The following SLC35F3 variants were observed in gnomAD, a reference collection of about 807,000 sequenced individuals.
SLC35F3 encodes the protein putative thiamine transporter SLC35F3.
Under a neutral mutation model 49.9 loss-of-function variants are expected in SLC35F3, and 25 were observed. That is an observed-to-expected ratio of 0.50 (90% CI 0.37 to 0.70). The LOEUF is 0.70. SLC35F3 is among the 30% of genes least tolerant of loss of function. SLC35F3 has a pLI of 0.00. For synonymous variants in SLC35F3, 275 were observed against 265.4 expected (o/e 1.04, Z -0.35); for missense variants, 525 against 639.8 (o/e 0.82, Z 1.94).
chr1:233,938,376 C>T (rs1662367399), intron 2 of SLC35F3, among the ~76,000 whole-genome samples: 1 of 151,978 alleles, frequency 6.6e-6, no homozygotes, highest in Non-Finnish European at 1.5e-5. Context: ...CTGTGGCTCT[C>T]CTAGGAGGTA....
intron 2 of SLC35F3, among the ~76,000 whole-genome samples, chr1:234,108,063 C>T (rs1365844774): frequency 6.6e-6 from 1 of 151,090 alleles, no homozygotes; most frequent in African/African-American, 2.4e-5. Context: ...AAAAGCACTG[C>T]TTAAGTGCTA....
In SLC35F3 at chr1:234,081,868, A is replaced by G. The variant is rs145194891; in HGVS notation, c.284-149549A>G. Among the ~76,000 whole-genome samples, 817 of 144,216 alleles carry G rather than the reference A, an allele frequency of 5.7e-3. 7 individuals are homozygous for G. The highest frequency in any genetic ancestry group is 0.02 in the African/African-American group (774 of 38,406). 94.6% of individuals were successfully genotyped at this position (144,216 alleles called of 152,430 possible). On this transcript the variant is annotated intron_variant, in intron 2 of 7. Coordinates refer to ENST00000366618, the MANE Select transcript of SLC35F3 (RefSeq NM_173508.4). ...TTTTTCTGCCTCAGCCTTCAGAGTA[A>G]CTGGGACTACAGGCGCCTGCCACCA...
At chr1:233,998,690 C>T (rs77059187) in intron 2 of SLC35F3, among the ~76,000 whole-genome samples, 18,321 of 151,882 alleles carry the variant, frequency 0.12, 1,728 homozygotes, top group East Asian at 0.41. Context: ...TGTGGCTAGT[C>T]TTATTAAGAA....
chr1:234,297,906 A>G (rs1249974538), intron 3 of SLC35F3, among the ~76,000 whole-genome samples: 1 of 152,206 alleles, frequency 6.6e-6, no homozygotes, highest in Non-Finnish European at 1.5e-5. Flanking sequence ...TAGAGTGCCT[A>G]TAGCTACTCA....
intron 2 of SLC35F3, among the ~76,000 whole-genome samples, chr1:234,022,705 C>G (rs1572022878): frequency 1.3e-5 from 2 of 152,302 alleles, no homozygotes; most frequent in Non-Finnish European, 1.5e-5. Context: ...TTCAACATCT[C>G]TGGCTCAGTA....
intron 2 of SLC35F3, among the ~76,000 whole-genome samples, chr1:233,915,908 C>A (rs1360912818): frequency 6.6e-6 from 1 of 152,168 alleles, no homozygotes; most frequent in Non-Finnish European, 1.5e-5. Flanking sequence ...CAGGTCCCTC[C>A]CACAACATGT....
At chr1:233,984,427 T>A (rs975365656) in intron 2 of SLC35F3, among the ~76,000 whole-genome samples, 1 of 152,154 alleles carries the variant, frequency 6.6e-6, no homozygotes, top group African/African-American at 2.4e-5. Context: ...ACCTCCCTGA[T>A]GGCTTGCAAG....
At chr1:233,913,202 G>A (rs1257765445) in intron 2 of SLC35F3, among the ~76,000 whole-genome samples, 1 of 152,158 alleles carries the variant, frequency 6.6e-6, no homozygotes, top group South Asian at 2.1e-4. Flanking sequence ...ACATATGCAC[G>A]GGAATGTAGT....
chr1:233,913,603 A>G (rs751829212), intron 2 of SLC35F3, among the ~76,000 whole-genome samples: 11 of 152,226 alleles, frequency 7.2e-5, no homozygotes, highest in Non-Finnish European at 1.5e-4. Context: ...ATCAATAAAC[A>G]TTTGTTAAAT....
intron 2 of SLC35F3, among the ~76,000 whole-genome samples, chr1:234,088,064 G>T (rs1664986547): frequency 6.6e-6 from 1 of 152,198 alleles, no homozygotes; most frequent in Admixed American, 6.5e-5. Context: ...GAGAATGTAA[G>T]CTCCATGAAT....
chr1:234,061,243 G>A (rs917047963), intron 2 of SLC35F3, among the ~76,000 whole-genome samples: 11 of 151,942 alleles, frequency 7.2e-5, no homozygotes, highest in Admixed American at 5.9e-4. Flanking sequence ...TTAACTAGTT[G>A]TAGGATTCTC....
intron 1 of SLC35F3, 87 bp downstream of exon 1, chr1:233,905,217 C>A: frequency 2.1e-6 from 3 of 1,413,898 alleles, no homozygotes; most frequent in Non-Finnish European, 2.9e-6. Flanking sequence ...GGACACTGGG[C>A]AGTCTGAGGC....
At chr1:234,309,348 CCTCA>C (rs772004224) in intron 4 of SLC35F3, 28 bp downstream of exon 4, 3 of 1,603,590 alleles carry the variant, frequency 1.9e-6, no homozygotes, top group Non-Finnish European at 1.7e-6. Flanking sequence ...TGTCTTCCTC[CCTCA>C]CTCAGTCATG....
intron 2 of SLC35F3, among the ~76,000 whole-genome samples, chr1:233,933,859 G>A (rs909360718): frequency 1.3e-5 from 2 of 152,088 alleles, no homozygotes; most frequent in African/African-American, 4.8e-5. Context: ...TCTCAAAAAA[G>A]GAAAGGGAAG....
At chr1:234,300,744 T>G (rs1191394492) in intron 3 of SLC35F3, among the ~76,000 whole-genome samples, 1 of 152,208 alleles carries the variant, frequency 6.6e-6, no homozygotes, top group Admixed American at 6.5e-5. Flanking sequence ...TTGGCCATTA[T>G]CCTAAGGGAA....
At chr1:233,982,596 A>G (rs1275074528) in intron 2 of SLC35F3, among the ~76,000 whole-genome samples, 2 of 151,790 alleles carry the variant, frequency 1.3e-5, no homozygotes, top group African/African-American at 4.8e-5. Context: ...CTGGTCTCGA[A>G]CTCCTGACCT....
intron 2 of SLC35F3, among the ~76,000 whole-genome samples, chr1:234,009,830 A>G (rs1386478471): frequency 8.5e-5 from 13 of 152,170 alleles, no homozygotes; most frequent in Non-Finnish European, 1.6e-4. Context: ...TCTGGCCAAG[A>G]GAGAGTGGGA....
At chr1:234,315,827 C>T (rs1657477235) in intron 4 of SLC35F3, among the ~76,000 whole-genome samples, 1 of 152,224 alleles carries the variant, frequency 6.6e-6, no homozygotes, top group Non-Finnish European at 1.5e-5. Flanking sequence ...TATTGATTCT[C>T]TGTGCTGGTG....
intron 2 of SLC35F3, among the ~76,000 whole-genome samples, chr1:234,189,463 C>A (rs581220): frequency 0.8 from 120,854 of 150,192 alleles, 49,462 homozygotes; most frequent in East Asian, 0.99. Flanking sequence ...AGCAGAAGAA[C>A]GAACTTCAGA....
Sources: allele counts gnomAD v4.1 joint callset (sites outside exome capture counted in the v4.1 genomes callset), GRCh38; gene constraint gnomAD v4.1.1; transcripts MANE v1.5; gene names NCBI Gene and HGNC (gene_info 2026-07-23, HGNC 2026-07-21).